Variants in DIP2C observed in about 807,000 individuals in gnomAD.
DIP2C encodes disco-interacting protein 2 homolog C.
DIP2C carries 33 observed loss-of-function variants against 192.4 expected under a neutral mutation model. That is an observed-to-expected ratio of 0.17 (90% CI 0.13 to 0.23). The LOEUF is 0.23. Ranked by LOEUF, DIP2C falls within the 10% of genes least tolerant of loss-of-function variation. The pLI, the probability that DIP2C is intolerant of heterozygous loss-of-function variation, is 1.00. For missense variants in DIP2C, 1,537 were observed against 2,110.1 expected, an observed-to-expected ratio of 0.73 and a Z score of 5.32; for synonymous variants, 979 against 864.1, an observed-to-expected ratio of 1.13 and a Z score of -2.33.
At chr10:318,890 C>A (rs1163255921) in intron 31 of DIP2C, among the ~76,000 whole-genome samples, 11 of 144,338 alleles carry the variant, frequency 7.6e-5, no homozygotes, top group Admixed American at 6.6e-4. Context: ...TACATCATCT[C>A]CTGAGCCTTC....
chr10:432,316 G>A (rs1247389233), intron 4 of DIP2C, among the ~76,000 whole-genome samples: 3 of 152,070 alleles, frequency 2.0e-5, no homozygotes, highest in Admixed American at 2.0e-4. Context: ...AACCCAACTG[G>A]GCCTGGCACT....
chr10:368,264 A>G (rs548500954), intron 18 of DIP2C, among the ~76,000 whole-genome samples: 36 of 146,270 alleles, frequency 2.5e-4, no homozygotes, highest in African/African-American at 7.5e-4. Flanking sequence ...TGCCTCTGAC[A>G]GGGGCCTGGG....
chr10:688,361 A>G (rs572203379), intron 1 of DIP2C, among the ~76,000 whole-genome samples: 38 of 152,312 alleles, frequency 2.5e-4, no homozygotes, highest in African/African-American at 8.2e-4. Flanking sequence ...AGTTGGCTGC[A>G]CACCATGGCC....
chr10:671,050 A>G (rs937945287), intron 1 of DIP2C, among the ~76,000 whole-genome samples: 2 of 152,244 alleles, frequency 1.3e-5, no homozygotes, highest in African/African-American at 4.8e-5. Flanking sequence ...AGGCCGCTTC[A>G]GGAAGAGCTG....
At chr10:486,988 C>T (rs1011272235) in intron 1 of DIP2C, among the ~76,000 whole-genome samples, 10 of 152,230 alleles carry the variant, frequency 6.6e-5, no homozygotes, top group Admixed American at 1.3e-4. Context: ...GACTTGAAGC[C>T]GCCACAGTGT....
chr10:278,439 ATTGCAAG>A, intron 36 of DIP2C, among the ~76,000 whole-genome samples: 1 of 81,142 alleles, frequency 1.2e-5, no homozygotes. Context: ...TGCCTGTGCC[ATTGCAAG>A]GATGGGGACA....
At chr10:672,250 G>C (rs1830688626) in intron 1 of DIP2C, among the ~76,000 whole-genome samples, 1 of 151,242 alleles carries the variant, frequency 6.6e-6, no homozygotes, top group South Asian at 2.1e-4. Context: ...TGCACGGATG[G>C]AGGAAACGCG....
At chr10:311,478 G>A in intron 31 of DIP2C, 2 of 1,224,222 alleles carry the variant, frequency 1.6e-6, no homozygotes, top group Non-Finnish European at 2.0e-6. Context: ...GCTGGATGCG[G>A]GCAAGGCAGC....
rs141748091 is a variant in DIP2C at position 590,301 on chromosome 10, C to T, written c.85+99193G>A. On this transcript the variant is annotated intron_variant, in intron 1 of 36. Transcript: ENST00000280886. ...AAGGTCTGAAATAGCACAGCACCTT[C>T]GAGTCAAGTGGGACAAACTGACTCA... 7.0e-4 allele frequency among the ~76,000 whole-genome samples: 106 copies of T among 152,348 alleles called. 1 individual carries two copies. In the East Asian group the frequency reaches 0.018, roughly 26 times the overall value.
At chr10:486,927 G>T (rs947817254) in intron 1 of DIP2C, among the ~76,000 whole-genome samples, 1 of 152,186 alleles carries the variant, frequency 6.6e-6, no homozygotes, top group African/African-American at 2.4e-5. Flanking sequence ...GCACCTATTG[G>T]CATCTTCTTC....
chr10:434,858 A>G (rs1967049830), intron 4 of DIP2C, among the ~76,000 whole-genome samples: 1 of 152,138 alleles, frequency 6.6e-6, no homozygotes, highest in South Asian at 2.1e-4. Context: ...TTGATCCTCT[A>G]TAGGGAAGGA....
chr10:654,982 T>C (rs1412063398), intron 1 of DIP2C, among the ~76,000 whole-genome samples: 1 of 152,238 alleles, frequency 6.6e-6, no homozygotes, highest in African/African-American at 2.4e-5. Context: ...CAGCTTGCTT[T>C]AGGCAGACAG....
intron 35 of DIP2C, 50 bp downstream of exon 35, chr10:283,222 T>C: frequency 6.3e-7 from 1 of 1,576,910 alleles, no homozygotes; most frequent in Non-Finnish European, 8.6e-7. Flanking sequence ...TACAGGAGCC[T>C]AACCTCTCTG....
intron 1 of DIP2C, among the ~76,000 whole-genome samples, chr10:583,150 G>C (rs1375931674): frequency 6.6e-6 from 1 of 152,164 alleles, no homozygotes; most frequent in Non-Finnish European, 1.5e-5. Context: ...TCCTCCAATG[G>C]AGCCTTCACC....
chr10:335,764 G>A (rs1352390102), intron 29 of DIP2C, among the ~76,000 whole-genome samples: 1 of 152,206 alleles, frequency 6.6e-6, no homozygotes. Context: ...TTTCCACCAT[G>A]AAGACTCTCT....
At chr10:584,920 A>AC (rs1277432464) in intron 1 of DIP2C, among the ~76,000 whole-genome samples, 1 of 74,716 alleles carries the variant, frequency 1.3e-5, no homozygotes, top group African/African-American at 5.7e-5. Flanking sequence ...CCGCGACCTG[A>AC]CCCCCACTCA....
At chr10:408,110 GA>G (rs1964936531) in intron 9 of DIP2C, among the ~76,000 whole-genome samples, 1 of 150,440 alleles carries the variant, frequency 6.6e-6, no homozygotes, top group African/African-American at 2.5e-5. Flanking sequence ...CATTTTGAAT[GA>G]ATTTTTTGCA....
chr10:573,101 G>A (rs1249499428), intron 1 of DIP2C, among the ~76,000 whole-genome samples: 1 of 152,152 alleles, frequency 6.6e-6, no homozygotes, highest in Non-Finnish European at 1.5e-5. Context: ...GTACATTTTA[G>A]CATGTAAGTG....
At chr10:618,953 C>CA in intron 1 of DIP2C, among the ~76,000 whole-genome samples, 1 of 152,152 alleles carries the variant, frequency 6.6e-6, no homozygotes, top group Non-Finnish European at 1.5e-5. Context: ...AAAATACTTC[C>CA]AATTCTTCTT....
Sources: gnomAD v4.1 joint callset for allele counts (sites outside exome capture counted in the v4.1 genomes callset) on GRCh38, gnomAD v4.1.1 for gene constraint, MANE v1.5 for transcripts, NCBI Gene and HGNC (gene_info 2026-07-23, HGNC 2026-07-21) for gene names.